The following HEATR3 variants were observed in gnomAD, a reference collection of about 807,000 sequenced individuals.
HEATR3 encodes HEAT repeat-containing protein 3.
Under a neutral mutation model 72.8 loss-of-function variants are expected in HEATR3, and 56 were observed. The observed-to-expected ratio is 0.77, with a 90% CI of 0.62 to 0.96. The LOEUF is 0.96. Among genes scored for constraint, HEATR3 ranks in the 40% least tolerant of loss-of-function variants. The pLI, the probability that HEATR3 is intolerant of heterozygous loss-of-function variation, is 0.00. For synonymous variants in HEATR3, 331 were observed against 318.1 expected (o/e 1.04, Z -0.43); for missense variants, 747 against 831.4 (o/e 0.90, Z 1.25).
At chr16:50,092,436 C>CTTTTCTCT (rs572496063) in intron 11 of HEATR3, among the ~76,000 whole-genome samples, 1 of 106,030 alleles carries the variant, frequency 9.4e-6, no homozygotes, top group Non-Finnish European at 1.8e-5. Context: ...TTTCTTTTTT[C>CTTTTCTCT]TTTTTTTTTT....
intron 11 of HEATR3, 77 bp downstream of exon 11, chr16:50,086,428 G>A (rs1006390513): frequency 2.1e-6 from 3 of 1,442,348 alleles, no homozygotes; most frequent in Non-Finnish European, 1.9e-6. Context: ...TTTTGTAAAT[G>A]TATATTGTTT....
intron 6 of HEATR3, among the ~76,000 whole-genome samples, chr16:50,077,049 T>C (rs1597146051): frequency 6.6e-6 from 1 of 151,964 alleles, no homozygotes; most frequent in South Asian, 2.1e-4. Context: ...TTGTATTTTT[T>C]TTTTTTAGTA....
chr16:50,100,464 T>C, intron 13 of HEATR3, 91 bp downstream of exon 13: 1 of 1,303,760 alleles, frequency 7.7e-7, no homozygotes, highest in Admixed American at 2.0e-5. Flanking sequence ...TTGTGTGGAC[T>C]TGAAGAGAAG....
chr16:50,070,595 G>A (rs761611875), intron 4 of HEATR3, among the ~76,000 whole-genome samples: 2 of 152,038 alleles, frequency 1.3e-5, no homozygotes, highest in Non-Finnish European at 1.5e-5. Flanking sequence ...CCAGCTACTC[G>A]GGAGGCTGAG....
chr16:50,076,569 C>G (rs2036733519), intron 6 of HEATR3, among the ~76,000 whole-genome samples: 1 of 151,700 alleles, frequency 6.6e-6, no homozygotes, highest in Non-Finnish European at 1.5e-5. Flanking sequence ...ACAGAGTCCT[C>G]CTCTGTTGCC....
chr16:50,072,813 G>C (rs777495860), intron 5 of HEATR3, 99 bp downstream of exon 5: 2 of 752,408 alleles, frequency 2.7e-6, no homozygotes, highest in Non-Finnish European at 4.7e-6. Flanking sequence ...GTGATTTTTT[G>C]TTTCGTTGTA....
At chr16:50,082,416 G>A (rs2036887355) in intron 7 of HEATR3, among the ~76,000 whole-genome samples, 2 of 152,068 alleles carry the variant, frequency 1.3e-5, no homozygotes, top group African/African-American at 2.4e-5. Flanking sequence ...GCAGCAACAT[G>A]TCTTGTTTAG....
At chr16:50,066,298 G>T (rs1357531024) in intron 1 of HEATR3, 29 bp downstream of exon 1, 1 of 1,576,624 alleles carries the variant, frequency 6.3e-7, no homozygotes, top group African/African-American at 1.4e-5. Flanking sequence ...CGGGCCGGGA[G>T]GCGAGACGAG....
intron 2 of HEATR3, chr16:50,066,823 C>G (rs1004885725): frequency 1.4e-5 from 5 of 350,162 alleles, no homozygotes; most frequent in Non-Finnish European, 2.6e-5. Context: ...CCTTAGGGTC[C>G]CTTGCTTGGA....
At chr16:50,088,585 T>C (rs1172221107) in intron 11 of HEATR3, among the ~76,000 whole-genome samples, 1 of 152,232 alleles carries the variant, frequency 6.6e-6, no homozygotes, top group Non-Finnish European at 1.5e-5. Context: ...TGTAGCTTTG[T>C]ATTTGTCTCC....
At chr16:50,069,076 C>T (rs1597136091) in intron 3 of HEATR3, among the ~76,000 whole-genome samples, 1 of 152,120 alleles carries the variant, frequency 6.6e-6, no homozygotes, top group Non-Finnish European at 1.5e-5. Context: ...AAAAGACTTT[C>T]CTAAAATTGT....
intron 12 of HEATR3, among the ~76,000 whole-genome samples, chr16:50,095,799 T>A (rs1236119370): frequency 2.6e-5 from 4 of 152,160 alleles, no homozygotes; most frequent in Non-Finnish European, 4.4e-5. Flanking sequence ...GGGTCCTTAT[T>A]TTTGTTTCCT....
In HEATR3 at chr16:50,066,181, C is replaced by T; in HGVS notation, c.50C>T (p.Thr17Met). 1 of 1,594,326 alleles carries T rather than the reference C, an allele frequency of 6.3e-7. No homozygotes were observed. Among genetic ancestry groups the T allele is most frequent in the African/African-American group, 1.3e-5 (1 of 74,164 alleles). ...TTCAAGCGACCTCAGTTCTCCCCTA[C>T]GGGCGACTGTCAGGCCGAGGCGGCT... is the stretch of plus-strand genomic sequence containing the variant. ...KRFKRPQFSPTGDCQAEAAAA... is the reference protein window; with the variant it reads ...KRFKRPQFSPMGDCQAEAAAA... Residue 17 changes from threonine (T) to methionine (M), a missense_variant, in exon 1 of 15, where the codon ACG (threonine) becomes ATG (methionine). By Grantham distance (81) the Thr-to-Met change is moderately conservative. Around this residue, in one of 2 missense-constraint regions of HEATR3, gnomAD observed 161 missense variants for 122.6 expected, o/e 1.31. Transcript: ENST00000299192.
rs1291972496 is a variant in HEATR3 at position 50,106,208 on chromosome 16, T to TACAC, written c.*1148_*1149insCACA. On this transcript the variant is annotated 3_prime_UTR_variant, in exon 15 of 15. Coordinates refer to ENST00000299192, the MANE Select transcript of HEATR3 (RefSeq NM_182922.4). ...ATTATGTTTGCCTTTTGTGAAGAAG[T>TACAC]AAATGAGTTGAATTTCTATTTCACT... 1 of 152,210 alleles carries TACAC rather than the reference T, an allele frequency of 6.6e-6. No homozygotes were observed. The highest frequency in any genetic ancestry group is 1.5e-5 in the Non-Finnish European group (1 of 68,046). 9.4% of individuals were successfully genotyped at this position (152,210 alleles called of 1,614,324 possible).
rs574868377 is a variant in HEATR3 at position 50,073,717 on chromosome 16, A to G, written c.622+1003A>G. Reference sequence around the variant, plus strand: ...AGGAAAGTTAGTTCATATCTTTTACAAGAAAAATCACTTCTATTTTTGTGC... The same window carrying G: ...AGGAAAGTTAGTTCATATCTTTTACGAGAAAAATCACTTCTATTTTTGTGC... On this transcript the variant is annotated intron_variant, in intron 5 of 14. Transcript: ENST00000299192. The G allele has an allele frequency of 1.2e-3, 184 of 152,318 alleles. 1 individual carries two copies. The highest frequency in any genetic ancestry group is 4.1e-3 in the African/African-American group (171 of 41,562). 9.4% of individuals were successfully genotyped at this position (152,318 alleles called of 1,614,324 possible).
chr16:50,092,422 T>TTTTTTC (rs1555503192), intron 11 of HEATR3, among the ~76,000 whole-genome samples: 3 of 111,494 alleles, frequency 2.7e-5, no homozygotes, highest in Admixed American at 1.2e-4. Context: ...GTCATTCTTT[T>TTTTTTC]TTTTTTCTTT....
rs532845983 is a variant in HEATR3 at position 50,083,954 on chromosome 16, G to C, written c.1059G>C (p.Leu353=). 3.9e-5 allele frequency: 62 copies of C among 1,608,190 alleles called. 2 individuals are homozygous for C. The South Asian group carries it at 6.4e-4, about 17-fold the overall frequency. ...TTTTTAAGCCCACTGACAAGGAACTGAGAGAGACTATAGCATTGCTGACAG... is the reference window on the plus strand; with the variant it reads ...TTTTTAAGCCCACTGACAAGGAACTCAGAGAGACTATAGCATTGCTGACAG... ...SDLLPPTDKE[L]RETIALLTAQ... is the part of the protein sequence containing the mutation. The change falls in exon 8 of 15, where the codon CTG becomes CTC. Residue 353 remains leucine (L), a synonymous_variant. Coordinates refer to ENST00000299192, the MANE Select transcript of HEATR3 (RefSeq NM_182922.4).
In HEATR3 at chr16:50,072,881, A is replaced by C. The variant is rs2036644452; in HGVS notation, c.622+167A>C. 5.3e-6 allele frequency: 3 copies of C among 564,670 alleles called. No homozygotes were observed. In the South Asian group the frequency reaches 6.7e-5, roughly 13 times the overall value. The allele number at this position is 564,670 out of a possible 1,614,324, so 35.0% of individuals were successfully genotyped here. On this transcript the variant is annotated intron_variant, in intron 5 of 14. Coordinates refer to ENST00000299192, the MANE Select transcript of HEATR3 (RefSeq NM_182922.4). ...GGGTCTTAAATCTGTGATTAATATT[A>C]ATTCTTTACCTACTCATTCAGTTTT...
At chr16:50,102,500 A>G in intron 14 of HEATR3, 65 bp downstream of exon 14, 3 of 1,446,892 alleles carry the variant, frequency 2.1e-6, no homozygotes, top group East Asian at 4.5e-5. Flanking sequence ...GGGTGTGTGT[A>G]GTTACCGCTG....
Sources: gnomAD v4.1 joint callset for allele counts (sites outside exome capture counted in the v4.1 genomes callset) on GRCh38, gnomAD v4.1.1 for gene constraint, gnomAD v4.1.1 regional missense constraint, MANE v1.5 for transcripts, NCBI Gene and HGNC (gene_info 2026-07-23, HGNC 2026-07-21) for gene names.